ABCC1: variants seen among roughly 807,000 people sequenced by gnomAD.
ABCC1 encodes multidrug resistance-associated protein 1.
In ABCC1, 83 loss-of-function variants were observed where a neutral mutation model predicts 172.9. The ratio of observed to expected loss-of-function variants is 0.48; its 90% CI spans 0.40 to 0.58. The LOEUF is 0.58. Ranked by LOEUF, ABCC1 falls within the 20% of genes least tolerant of loss-of-function variation. ABCC1 has a pLI of 0.00. For missense variants in ABCC1, 1,817 were observed against 2,002.7 expected, an observed-to-expected ratio of 0.91 and a Z score of 1.77; for synonymous variants, 937 against 825.2, an observed-to-expected ratio of 1.14 and a Z score of -2.32.
rs561719621 is a variant in ABCC1 at position 15,993,433 on chromosome 16, A to G, written c.49-14383A>G. On this transcript the variant is annotated intron_variant, in intron 1 of 30. Coordinates refer to ENST00000399410, the MANE Select transcript of ABCC1 (RefSeq NM_004996.4). ...GAAGAAATCAAGGCCTGGTGAGGTG[A>G]ACTGACTTGCTTTAGGGCAGCAGGG... Among the ~76,000 whole-genome samples, 13 of 152,292 alleles carry G rather than the reference A, an allele frequency of 8.5e-5. No homozygotes were observed. In the East Asian group the frequency reaches 2.5e-3, roughly 29 times the overall value.
intron 29 of ABCC1, among the ~76,000 whole-genome samples, chr16:16,137,232 C>T (rs1023617282): frequency 4.6e-5 from 7 of 152,124 alleles, no homozygotes; most frequent in Non-Finnish European, 7.4e-5. Context: ...CTGCTGATCT[C>T]GGCTGGGCTC....
At chr16:16,125,700 A>G (rs1490648915) in intron 25 of ABCC1, 110 bp from the exon 26 acceptor site, 13 of 738,576 alleles carry the variant, frequency 1.8e-5, no homozygotes, top group Non-Finnish European at 2.4e-5. Flanking sequence ...CCCATAATTC[A>G]TACTTGTTGA....
At chr16:16,096,003 A>AT (rs1567398551) in intron 19 of ABCC1, among the ~76,000 whole-genome samples, 1 of 152,030 alleles carries the variant, frequency 6.6e-6, no homozygotes, top group Admixed American at 6.6e-5. Flanking sequence ...AAGGTGGCTC[A>AT]TATGTGTAAT....
chr16:15,950,184 C>CT (rs1195124507), intron 1 of ABCC1, among the ~76,000 whole-genome samples: 4 of 151,470 alleles, frequency 2.6e-5, no homozygotes, highest in African/African-American at 4.8e-5. Context: ...GTTTTCCCAT[C>CT]TTTTTTGTGG....
chr16:16,095,523 G>GC (rs1448526328), intron 19 of ABCC1, among the ~76,000 whole-genome samples: 4 of 152,040 alleles, frequency 2.6e-5, no homozygotes, highest in East Asian at 1.9e-4. Flanking sequence ...CCCTTACCCT[G>GC]CCCCCCGTGA....
chr16:16,000,105 G>A (rs545736207), intron 1 of ABCC1, among the ~76,000 whole-genome samples: 1 of 151,330 alleles, frequency 6.6e-6, no homozygotes, highest in South Asian at 2.1e-4. Flanking sequence ...TGCCCGCCTC[G>A]GTCTCCCAAA....
chr16:16,120,194 A>T (rs1436606145), intron 23 of ABCC1, among the ~76,000 whole-genome samples: 1 of 151,554 alleles, frequency 6.6e-6, no homozygotes, highest in Admixed American at 6.6e-5. Flanking sequence ...AGCCCAGTAC[A>T]CCTGGCCCAG....
chr16:16,108,332 TG>T (rs1339603300), intron 21 of ABCC1, among the ~76,000 whole-genome samples: 1 of 144,940 alleles, frequency 6.9e-6, no homozygotes, highest in Non-Finnish European at 1.5e-5. Context: ...CAGGCTGTAG[TG>T]CCGTGGCGCT....
intron 20 of ABCC1, among the ~76,000 whole-genome samples, chr16:16,104,266 T>C (rs946847601): frequency 6.6e-6 from 1 of 152,188 alleles, no homozygotes; most frequent in Non-Finnish European, 1.5e-5. Context: ...TTTTATTCTC[T>C]TATCTGGCCC....
At chr16:16,033,243 G>C in intron 6 of ABCC1, 73 bp downstream of exon 6, 2 of 1,438,170 alleles carry the variant, frequency 1.4e-6, no homozygotes, top group Non-Finnish European at 2.0e-6. Context: ...GAATGAACAT[G>C]CTCAGCTCCC....
At chr16:16,048,048 C>A (rs946539306) in intron 9 of ABCC1, 94 bp from the exon 10 acceptor site, 24 of 1,458,466 alleles carry the variant, frequency 1.6e-5, no homozygotes, top group Non-Finnish European at 2.3e-5. Context: ...CATTTCTGCC[C>A]CTGAGAGTCT....
chr16:16,090,666 C>T, intron 19 of ABCC1, 78 bp downstream of exon 19: 1 of 1,430,360 alleles, frequency 7.0e-7, no homozygotes, highest in Middle Eastern at 2.6e-4. Flanking sequence ...TTGAGGTTGC[C>T]ACCAGCCACT....
intron 1 of ABCC1, among the ~76,000 whole-genome samples, chr16:15,966,622 C>T (rs1453941892): frequency 2.0e-5 from 3 of 150,710 alleles, no homozygotes; most frequent in East Asian, 2.0e-4. Flanking sequence ...TCTCTGAGTG[C>T]TGCAATTGTA....
At chr16:16,101,156 C>T (rs762932952) in intron 19 of ABCC1, among the ~76,000 whole-genome samples, 21 of 152,122 alleles carry the variant, frequency 1.4e-4, no homozygotes, top group Non-Finnish European at 2.6e-4. Flanking sequence ...CTCAGCCTCC[C>T]GAGTAGGTGG....
chr16:16,102,059 C>A (rs147848855), intron 19 of ABCC1, among the ~76,000 whole-genome samples: 96 of 152,266 alleles, frequency 6.3e-4, no homozygotes, highest in African/African-American at 2.3e-3. Flanking sequence ...ACTGTGGAAA[C>A]AGCCACTGCC....
intron 2 of ABCC1, among the ~76,000 whole-genome samples, chr16:16,009,374 CAT>C (rs935924168): frequency 6.6e-6 from 1 of 152,132 alleles, no homozygotes; most frequent in Admixed American, 6.5e-5. Flanking sequence ...CACCTTGAAA[CAT>C]ATCCCACCCG....
At chr16:16,069,816 G>C (rs1284203697) in intron 13 of ABCC1, among the ~76,000 whole-genome samples, 1 of 152,158 alleles carries the variant, frequency 6.6e-6, no homozygotes, top group Non-Finnish European at 1.5e-5. Context: ...CTGAGGTCAG[G>C]AGTTCGAGAC....
At chr16:16,074,095 CCTG>C (rs1470942502) in intron 14 of ABCC1, among the ~76,000 whole-genome samples, 1 of 152,182 alleles carries the variant, frequency 6.6e-6, no homozygotes, top group Non-Finnish European at 1.5e-5. Flanking sequence ...GGTTTTTTAT[CCTG>C]GGCGCTACTG....
intron 26 of ABCC1, 63 bp downstream of exon 26, chr16:16,125,974 C>T: frequency 7.7e-7 from 1 of 1,298,712 alleles, no homozygotes; most frequent in Non-Finnish European, 1.1e-6. Context: ...AAGGAGATCT[C>T]TGGACCCTAT....
Sources: gnomAD v4.1 joint callset for allele counts (sites outside exome capture counted in the v4.1 genomes callset) on GRCh38, gnomAD v4.1.1 for gene constraint, MANE v1.5 for transcripts, NCBI Gene and HGNC (gene_info 2026-07-23, HGNC 2026-07-21) for gene names.